The following ERCC6L2 variants were observed in gnomAD, a reference collection of about 807,000 sequenced individuals.
ERCC6L2 encodes DNA excision repair protein ERCC-6-like 2.
ERCC6L2 carries 77 observed loss-of-function variants against 132.0 expected under a neutral mutation model. The ratio of observed to expected loss-of-function variants is 0.58; its 90% confidence interval spans 0.49 to 0.71. The LOEUF (loss-of-function observed/expected upper bound fraction) is 0.71. Among genes scored for constraint, ERCC6L2 ranks in the 30% least tolerant of loss-of-function variants. ERCC6L2 has a pLI of 0.00. For synonymous variants in ERCC6L2, 583 were observed against 632.4 expected (o/e 0.92, Z 1.17); for missense variants, 1,542 against 1,837.6 (o/e 0.84, Z 2.94).
chr9:95,897,801 C>T (rs538758065), intron 2 of ERCC6L2, 48 bp from the exon 3 acceptor site: 143 of 1,591,454 alleles, frequency 9.0e-5, no homozygotes, highest in Non-Finnish European at 1.2e-4. Context: ...AAATTTTGTA[C>T]GTCATGATAC....
chr9:95,985,701 T>C lies in ERCC6L2; in HGVS notation c.3492+7486T>C, dbSNP rs550104828. On this transcript the variant is annotated intron_variant, in intron 17 of 18. Coordinates refer to ENST00000653738, the MANE Select transcript of ERCC6L2 (RefSeq NM_020207.7). Reference sequence around the variant, plus strand: ...AGCTGTCAAGTGTCTTATTGTGTCCTTTCCGTAGTATACGAGGCCTGTCTC... The same window carrying C: ...AGCTGTCAAGTGTCTTATTGTGTCCCTTCCGTAGTATACGAGGCCTGTCTC... Among the ~76,000 whole-genome samples, 8 of 152,322 alleles carry C rather than the reference T, an allele frequency of 5.3e-5. No homozygotes were observed. The South Asian group carries it at 1.7e-3, about 32-fold the overall frequency.
chr9:95,988,912 C>T (rs1002462196), intron 17 of ERCC6L2, among the ~76,000 whole-genome samples: 22 of 152,238 alleles, frequency 1.4e-4, no homozygotes, highest in Admixed American at 1.4e-3. Flanking sequence ...TTCTAACCAA[C>T]CAGCTATAAA....
chr9:95,893,669 T>G (rs1267573533), intron 2 of ERCC6L2, among the ~76,000 whole-genome samples: 1 of 152,148 alleles, frequency 6.6e-6, no homozygotes, highest in Non-Finnish European at 1.5e-5. Flanking sequence ...CTTGTGTTGG[T>G]TTTTGATAAG....
At chr9:95,920,303 A>G (rs1040270802) in intron 6 of ERCC6L2, among the ~76,000 whole-genome samples, 2 of 152,182 alleles carry the variant, frequency 1.3e-5, no homozygotes, top group African/African-American at 4.8e-5. Flanking sequence ...AGCCTACTCA[A>G]TATGAAGCCC....
rs190667615 is a variant in ERCC6L2 at position 96,006,480 on chromosome 9, G to A, written c.3674+1779G>A. On this transcript the variant is annotated intron_variant, in intron 18 of 18. Transcript: ENST00000653738. Reference sequence around the variant, plus strand: ...GGGAGGTGGCCGGTGCTATGAGTTCGGATGGAAGCAGTGCGCGCGCCCTGG... The same window carrying A: ...GGGAGGTGGCCGGTGCTATGAGTTCAGATGGAAGCAGTGCGCGCGCCCTGG... Among the ~76,000 whole-genome samples the A allele has an allele frequency of 5.9e-5, 9 of 152,282 alleles. 1 individual carries two copies. The highest frequency in any genetic ancestry group is 2.1e-4 in the South Asian group (1 of 4,814).
Position 95,941,472 on chromosome 9 carries a change from C to T in ERCC6L2, c.1770C>T (p.Leu590=), listed in dbSNP as rs750346652. 2 of 1,612,040 alleles carry T rather than the reference C, an allele frequency of 1.2e-6. No individual in the cohort carries two copies. The highest frequency in any genetic ancestry group is 1.1e-5 in the South Asian group (1 of 90,972). The change falls in exon 12 of 19, where the codon CTC becomes CTT. Residue 590 remains leucine (L), a synonymous_variant. Coordinates refer to ENST00000653738, the MANE Select transcript of ERCC6L2 (RefSeq NM_020207.7). The part of the protein sequence containing the change: ...LVSTMAGGLG[L]NFVGANVVVL... ...CCTCCAGGGCTGGTGGACTAGGCCT[C>T]AATTTTGTCGGTGCCAATGTTGTTG...
At chr9:95,886,691 C>A (rs1214407624) in intron 2 of ERCC6L2, among the ~76,000 whole-genome samples, 1 of 152,194 alleles carries the variant, frequency 6.6e-6, no homozygotes, top group African/African-American at 2.4e-5. Flanking sequence ...ATAATACCTA[C>A]TGTGATGGTT....
intron 4 of ERCC6L2, 101 bp from the exon 5 acceptor site, chr9:95,915,567 A>C (rs3739755): frequency 0.038 from 48,670 of 1,282,236 alleles, 1,239 homozygotes; most frequent in East Asian, 0.13. Flanking sequence ...AAAAGGAAAA[A>C]ATAATTCCAA....
chr9:95,931,459 A>C (rs1408290833), intron 11 of ERCC6L2, among the ~76,000 whole-genome samples: 1 of 151,978 alleles, frequency 6.6e-6, no homozygotes, highest in Non-Finnish European at 1.5e-5. Context: ...TTTATTCTTG[A>C]CTTGCCCCTT....
chr9:95,877,933 C>T (rs1174841633), intron 1 of ERCC6L2, among the ~76,000 whole-genome samples: 4 of 152,034 alleles, frequency 2.6e-5, no homozygotes, highest in African/African-American at 9.7e-5. Context: ...AAGGAAATTA[C>T]TCTCTACTGG....
In ERCC6L2 at chr9:95,935,894, G is replaced by T. The variant is rs140795909; in HGVS notation, c.1752-5560G>T. ...TGTAAGGATTAAGTTAACGATTTGG[G>T]GTACTATACTGCAAAAGTAAAATTT... On this transcript the variant is annotated intron_variant, in intron 11 of 18. Transcript: ENST00000653738. Among the ~76,000 whole-genome samples the T allele has an allele frequency of 2.7e-3, 414 of 152,078 alleles. 1 individual carries two copies. The highest frequency in any genetic ancestry group is 9.6e-3 in the African/African-American group (397 of 41,478).
chr9:95,908,518 T>G (rs1377027989), intron 4 of ERCC6L2, among the ~76,000 whole-genome samples: 1 of 152,160 alleles, frequency 6.6e-6, no homozygotes, highest in Non-Finnish European at 1.5e-5. Flanking sequence ...AGCCATCCAG[T>G]GTGTGGTATT....
chr9:95,888,657 G>T (rs1232363663), intron 2 of ERCC6L2, among the ~76,000 whole-genome samples: 1 of 152,096 alleles, frequency 6.6e-6, no homozygotes, highest in East Asian at 1.9e-4. Flanking sequence ...TATTTCCTTT[G>T]CCTTCTTAGA....
intron 19 of ERCC6L2, among the ~76,000 whole-genome samples, chr9:96,035,423 G>A (rs1834508096): frequency 6.6e-6 from 1 of 152,218 alleles, no homozygotes; most frequent in African/African-American, 2.4e-5. Flanking sequence ...AGCCAGGGTA[G>A]AGGATGGCCA....
Position 95,921,172 on chromosome 9 carries a change from C to T in ERCC6L2, c.1159-3C>T. On this transcript the variant is annotated splice_region_variant and splice_polypyrimidine_tract_variant and intron_variant, in intron 6 of 18. Coordinates refer to ENST00000653738, the MANE Select transcript of ERCC6L2 (RefSeq NM_020207.7). ...ATAACTACCTTGTATTTTATCTTGG[C>T]AGATGGTGTATTGTTCTTTGACAGA... is the stretch of plus-strand genomic sequence containing the variant. 6.2e-7 allele frequency: 1 copy of T among 1,602,162 alleles called. No homozygotes were observed. The highest frequency in any genetic ancestry group is 2.2e-5 in the East Asian group (1 of 44,470).
At position 95,913,313 on chromosome 9, in the gene ERCC6L2, C is replaced by T. The variant is rs140072946; in HGVS notation, c.789-2355C>T. Reference sequence around the variant, plus strand: ...GCTTTCTCCATTAATTAGGAATTAACCACAATTTTGACTTTAAAAAAGCAA... The same window carrying T: ...GCTTTCTCCATTAATTAGGAATTAATCACAATTTTGACTTTAAAAAAGCAA... On this transcript the variant is annotated intron_variant, in intron 4 of 18. Transcript: ENST00000653738. Among the ~76,000 whole-genome samples, 786 of 152,290 alleles carry T rather than the reference C, an allele frequency of 5.2e-3. 12 individuals carry two copies. The highest frequency in any genetic ancestry group is 0.017 in the African/African-American group (702 of 41,548).
At chr9:95,943,375 C>T (rs1038574702) in intron 12 of ERCC6L2, among the ~76,000 whole-genome samples, 5 of 151,668 alleles carry the variant, frequency 3.3e-5, no homozygotes, top group African/African-American at 7.3e-5. Flanking sequence ...TAAATGCTAG[C>T]AAAAAATTTA....
chr9:95,914,863 G>A (rs1405313071), intron 4 of ERCC6L2, among the ~76,000 whole-genome samples: 3 of 150,370 alleles, frequency 2.0e-5, no homozygotes, highest in African/African-American at 7.4e-5. Context: ...ATCCAGAGTC[G>A]CAAATTTTTT....
intron 19 of ERCC6L2, among the ~76,000 whole-genome samples, chr9:96,030,507 C>T (rs1834442538): frequency 6.6e-6 from 1 of 151,984 alleles, no homozygotes; most frequent in East Asian, 1.9e-4. Context: ...ACTATCCTGG[C>T]TAACACGGTG....
Sources: allele counts gnomAD v4.1 joint callset (sites outside exome capture counted in the v4.1 genomes callset), GRCh38; gene constraint gnomAD v4.1.1; transcripts MANE v1.5; gene names NCBI Gene and HGNC (gene_info 2026-07-23, HGNC 2026-07-21).